Variants in UMAD1 observed in about 807,000 individuals in gnomAD.
The protein encoded by UMAD1 is UBAP1-MVB12-associated (UMA)-domain containing protein 1.
In UMAD1, 8 loss-of-function variants were observed where a neutral mutation model predicts 6.1. That is an observed-to-expected ratio of 1.30 (90% confidence interval 0.76 to 2.35). UMAD1 has a LOEUF of 2.35. Among genes scored for constraint, UMAD1 ranks in the 30% most tolerant of loss-of-function variants. The probability of loss-of-function intolerance (pLI) is 0.00; values close to 1 mark genes in which losing one functional copy is unlikely to be tolerated. For missense variants in UMAD1, 130 were observed against 78.4 expected (o/e 1.66, Z -2.49); for synonymous variants, 56 against 31.4 (o/e 1.78, Z -2.61).
rs544451925 is a variant in UMAD1, at chr7:7,830,554, T to A, written c.156+28811T>A. Reference sequence around the variant, plus strand: ...ACATGCGTGTTTTTCTTCTTTGCTCTGGGTGCCCAAAAACTGTGAGCCAAC... The same window carrying A: ...ACATGCGTGTTTTTCTTCTTTGCTCAGGGTGCCCAAAAACTGTGAGCCAAC... On this transcript the variant is annotated intron_variant, in intron 3 of 3. Transcript: ENST00000682710. The surrounding 1 kb of genome is among the most constrained non-coding windows in gnomAD (Gnocchi z 5.3). Among the ~76,000 whole-genome samples, 4 of 152,292 alleles carry A rather than the reference T, an allele frequency of 2.6e-5. No individual in the cohort carries two copies. In the South Asian group the frequency reaches 8.3e-4, roughly 32 times the overall value.
intron 2 of UMAD1, chr7:7,715,244 A>G (rs1780870415): frequency 2.0e-5 from 3 of 152,198 alleles, no homozygotes; most frequent in Admixed American, 2.0e-4. Flanking sequence ...AAAGTGAACT[A>G]CAAGTAGGAT....
At chr7:7,813,784 A>G (rs1783071166) in intron 3 of UMAD1, among the ~76,000 whole-genome samples, 1 of 152,204 alleles carries the variant, frequency 6.6e-6, no homozygotes, top group Non-Finnish European at 1.5e-5. Context: ...GGAGAGCTGT[A>G]TATTTCTACC....
rs952324680 is a variant in UMAD1, at chr7:7,653,471, G to GA, written c.-64+12657dup. On this transcript the variant is annotated intron_variant, in intron 1 of 3. Coordinates refer to ENST00000682710, the MANE Select transcript of UMAD1 (RefSeq NM_001302348.2). ...GATGCTAGTTAGCATCCTTCTTTAG[G>GA]AAAAAAACTGTGGTTTTCACATGTA... Among the ~76,000 whole-genome samples, 5 of 151,980 alleles carry GA rather than the reference G, an allele frequency of 3.3e-5. No homozygotes were observed. The South Asian group carries it at 6.2e-4, about 19-fold the overall frequency.
chr7:7,661,327 A>T (rs960831309), intron 1 of UMAD1, among the ~76,000 whole-genome samples: 1 of 152,062 alleles, frequency 6.6e-6, no homozygotes, highest in Non-Finnish European at 1.5e-5. Flanking sequence ...TCAATTTGTC[A>T]AACTCACCAT....
chr7:7,661,367 A>G (rs1563095212), intron 1 of UMAD1, among the ~76,000 whole-genome samples: 1 of 151,972 alleles, frequency 6.6e-6, no homozygotes, highest in African/African-American at 2.4e-5. Context: ...AGGAGTTATG[A>G]TCCTTTGGAG....
intron 2 of UMAD1, among the ~76,000 whole-genome samples, chr7:7,800,940 G>A (rs1226874545): frequency 6.6e-6 from 1 of 152,204 alleles, no homozygotes; most frequent in African/African-American, 2.4e-5. Flanking sequence ...ATGCTTCAAA[G>A]AAGTAGGCTA....
intron 2 of UMAD1, among the ~76,000 whole-genome samples, chr7:7,793,828 C>G (rs1318473726): frequency 6.6e-6 from 1 of 152,192 alleles, no homozygotes; most frequent in South Asian, 2.1e-4. Context: ...ATTTTATAAC[C>G]AAATTTAACT....
At chr7:7,680,911 AATTT>A (rs1779893086) in intron 2 of UMAD1, among the ~76,000 whole-genome samples, 1 of 152,064 alleles carries the variant, frequency 6.6e-6, no homozygotes, top group Non-Finnish European at 1.5e-5. Flanking sequence ...AACCTTACTG[AATTT>A]ATTTATTAGT....
At chr7:7,816,949 T>C (rs1783140503) in intron 3 of UMAD1, among the ~76,000 whole-genome samples, 2 of 152,214 alleles carry the variant, frequency 1.3e-5, no homozygotes, top group African/African-American at 4.8e-5. Flanking sequence ...TCAGAGGCTC[T>C]TCAGCTGCCT....
Position 7,864,348 on chromosome 7 carries a change from A to G in UMAD1, c.157-12933A>G, listed in dbSNP as rs372924306. On this transcript the variant is annotated intron_variant, in intron 3 of 3. Coordinates refer to ENST00000682710, the MANE Select transcript of UMAD1 (RefSeq NM_001302348.2). ...ACATTTAGAAATATTAATAAAGACAAGTAAGAACATTACTCACCCAGTTAT... is the reference window on the plus strand; with the variant it reads ...ACATTTAGAAATATTAATAAAGACAGGTAAGAACATTACTCACCCAGTTAT... 1.1e-4 allele frequency among the ~76,000 whole-genome samples: 17 copies of G among 152,278 alleles called. 1 individual carries two copies. The highest frequency in any genetic ancestry group is 3.9e-4 in the African/African-American group (16 of 41,550).
intron 2 of UMAD1, among the ~76,000 whole-genome samples, chr7:7,797,879 G>C (rs1031775660): frequency 1.4e-4 from 21 of 152,138 alleles, no homozygotes; most frequent in Admixed American, 1.2e-3. Context: ...GTTAGAGATG[G>C]TTTCACCATG....
chr7:7,750,592 C>T (rs191330206), intron 2 of UMAD1, among the ~76,000 whole-genome samples: 13 of 152,264 alleles, frequency 8.5e-5, no homozygotes, highest in Admixed American at 7.2e-4. Flanking sequence ...AACACATATA[C>T]AACACTACTG....
intron 2 of UMAD1, among the ~76,000 whole-genome samples, chr7:7,688,491 C>T (rs186814635): frequency 2.0e-4 from 30 of 152,272 alleles, no homozygotes; most frequent in African/African-American, 4.8e-4. Context: ...CCCTCAGCCC[C>T]GTGTTTCCTC....
At position 7,675,018 on chromosome 7, in the gene UMAD1, AT is replaced by A. The variant is rs1041552838; in HGVS notation, c.82+1573del. Among the ~76,000 whole-genome samples the A allele has an allele frequency of 5.9e-5, 9 of 152,014 alleles. 1 individual carries two copies. Among genetic ancestry groups the A allele is most frequent in the African/African-American group, 2.2e-4 (9 of 41,480 alleles). ...TGTTTTTATTATATATGTATTTAAA[AT>A]TTTTTTTAAAATTATTTTTAAAGAA... On this transcript the variant is annotated intron_variant, in intron 2 of 3. Coordinates refer to ENST00000682710, the MANE Select transcript of UMAD1 (RefSeq NM_001302348.2).
intron 1 of UMAD1, among the ~76,000 whole-genome samples, chr7:7,662,180 A>T (rs1785491274): frequency 6.6e-6 from 1 of 152,140 alleles, no homozygotes; most frequent in Non-Finnish European, 1.5e-5. Context: ...CGAGTGTCCC[A>T]GGTCAGCTTC....
At chr7:7,786,483 A>G (rs1047278509) in intron 2 of UMAD1, among the ~76,000 whole-genome samples, 1 of 152,066 alleles carries the variant, frequency 6.6e-6, no homozygotes, top group East Asian at 1.9e-4. Context: ...ATCATTTACT[A>G]ATTTTGCTAT....
At chr7:7,838,566 G>A (rs556489150) in intron 3 of UMAD1, among the ~76,000 whole-genome samples, 5 of 152,194 alleles carry the variant, frequency 3.3e-5, no homozygotes, top group South Asian at 4.1e-4. Context: ...CATTAAATAC[G>A]TGATTCTTTC....
At chr7:7,778,376 T>C (rs1189440448) in intron 2 of UMAD1, among the ~76,000 whole-genome samples, 2 of 151,988 alleles carry the variant, frequency 1.3e-5, no homozygotes, top group Non-Finnish European at 2.9e-5. Flanking sequence ...GTGTTCATGG[T>C]ACTGTTCTTT....
chr7:7,697,710 C>G (rs1780354503), intron 2 of UMAD1, among the ~76,000 whole-genome samples: 1 of 152,104 alleles, frequency 6.6e-6, no homozygotes, highest in Non-Finnish European at 1.5e-5. Flanking sequence ...ACATAAAATG[C>G]TTTAAATTAT....
Sources: gnomAD v4.1 joint callset for allele counts (sites outside exome capture counted in the v4.1 genomes callset) on GRCh38, gnomAD v4.1.1 for gene constraint, Gnocchi (gnomAD v3.1) non-coding constraint, MANE v1.5 for transcripts, NCBI Gene and HGNC (gene_info 2026-07-23, HGNC 2026-07-21) for gene names.